PIEZO1: variants seen among roughly 807,000 people sequenced by gnomAD.
PIEZO1 encodes piezo type mechanosensitive ion channel component 1 (Er blood group).
In PIEZO1, 296 loss-of-function variants were observed where a neutral mutation model predicts 297.2. The ratio of observed to expected loss-of-function variants is 1.00; its 90% CI spans 0.91 to 1.10. The LOEUF is 1.10. Ranked by LOEUF, PIEZO1 falls within the 50% of genes least tolerant of loss-of-function variation. The pLI is 0.00. For synonymous variants in PIEZO1, 2,427 were observed against 1,507.5 expected, an observed-to-expected ratio of 1.61 and a Z score of -14.13; for missense variants, 5,018 against 3,455.5, an observed-to-expected ratio of 1.45 and a Z score of -11.34.
rs1567656125 is a variant in PIEZO1 at position 88,715,994 on chromosome 16, G to A, written c.7255C>T (p.Pro2419Ser). 1.3e-6 allele frequency: 2 copies of A among 1,550,182 alleles called. No individual in the cohort carries two copies. Among genetic ancestry groups the A allele is most frequent in the Non-Finnish European group, 1.7e-6 (2 of 1,146,900 alleles). Residue 2419 changes from proline (P) to serine (S), a missense_variant, in exon 50 of 51, where the codon CCC (proline) becomes TCC (serine). Transcript: ENST00000301015. ...ACCTTGTCACTGAAAATGACCATGGGCAGCAGGTTGCAGTCGGTCCGGCAC... is the reference window on the plus strand; with the variant it reads ...ACCTTGTCACTGAAAATGACCATGGACAGCAGGTTGCAGTCGGTCCGGCAC... ...QECRTDCNLL[P>S]MVIFSDKVSP... is the part of the protein sequence containing the mutation.
chr16:88,751,242 C>T (rs1906373681), intron 1 of PIEZO1, among the ~76,000 whole-genome samples: 2 of 152,186 alleles, frequency 1.3e-5, no homozygotes, highest in Non-Finnish European at 1.5e-5. Flanking sequence ...AGGGAGACCC[C>T]GACCTCCACG....
intron 1 of PIEZO1, among the ~76,000 whole-genome samples, chr16:88,775,914 C>A (rs775657625): frequency 6.6e-6 from 1 of 152,134 alleles, no homozygotes; most frequent in Non-Finnish European, 1.5e-5. Flanking sequence ...AGTGCACACG[C>A]AGAGGCAAAG....
chr16:88,716,154 G>A, intron 49 of PIEZO1, 35 bp from the exon 50 acceptor site: 3 of 1,526,248 alleles, frequency 2.0e-6, no homozygotes, highest in South Asian at 2.5e-5. Context: ...GAGGCCGCAG[G>A]TCACCCCTCT....
chr16:88,718,246 G>C (rs562212325), intron 44 of PIEZO1: 168 of 154,016 alleles, frequency 1.1e-3, no homozygotes, highest in Non-Finnish European at 2.0e-3. Context: ...ATAGTAACAG[G>C]TTGTTGAGGA....
rs1911991841 is a variant in PIEZO1, at chr16:88,715,993, G to T, written c.7256C>A (p.Pro2419His). 1 of 1,550,062 alleles carries T rather than the reference G, an allele frequency of 6.5e-7. No homozygotes were observed. Among genetic ancestry groups the T allele is most frequent in the Admixed American group, 2.0e-5 (1 of 50,980 alleles). ...GACCTTGTCACTGAAAATGACCATG[G>T]GCAGCAGGTTGCAGTCGGTCCGGCA... ...QECRTDCNLL[P>H]MVIFSDKVSP... The change falls in exon 50 of 51, where the codon CCC (proline) becomes CAC (histidine). Residue 2419 changes from proline to histidine, a missense_variant. Pro to His is a moderately conservative substitution (Grantham distance 77, BLOSUM62 -2). Transcript: ENST00000301015.
chr16:88,722,933 C>T lies in PIEZO1; in HGVS notation c.4572G>A (p.Glu1524=). 1 of 1,549,410 alleles carries T rather than the reference C, an allele frequency of 6.5e-7. No individual in the cohort carries two copies. The highest frequency in any genetic ancestry group is 2.4e-5 in the East Asian group (1 of 40,918). Residue 1524 remains glutamate (E), a synonymous_variant, in exon 34 of 51, where the codon GAG becomes GAA. Coordinates refer to ENST00000301015, the MANE Select transcript of PIEZO1 (RefSeq NM_001142864.4). ...LWMLGQALVD[E]LTRWLQEFTR... ...TGAACTCCTGCAGCCAGCGTGTCAGCTCATCCACTAGCGCCTGCCCCAGCA... is the reference window on the plus strand; with the variant it reads ...TGAACTCCTGCAGCCAGCGTGTCAGTTCATCCACTAGCGCCTGCCCCAGCA...
At chr16:88,784,809 C>T (rs926568242) in intron 1 of PIEZO1, 92 bp downstream of exon 1, 1 of 961,978 alleles carries the variant, frequency 1.0e-6, no homozygotes. Flanking sequence ...GCCCGCAGCC[C>T]TCGCCCCGGC....
intron 1 of PIEZO1, among the ~76,000 whole-genome samples, chr16:88,757,540 G>A (rs2142878822): frequency 2.2e-4 from 1 of 4,634 alleles, no homozygotes; most frequent in East Asian, 0.5. Flanking sequence ...CTCAAAGGAA[G>A]TGGAGCCAAT....
intron 1 of PIEZO1, among the ~76,000 whole-genome samples, chr16:88,756,235 T>C (rs1906648259): frequency 6.6e-6 from 1 of 152,190 alleles, no homozygotes; most frequent in South Asian, 2.1e-4. Context: ...CCCAGCCCGA[T>C]GTCCACCAGG....
chr16:88,716,210 G>C lies in PIEZO1; in HGVS notation c.7117C>G (p.Gln2373Glu), dbSNP rs1015058705. 1 of 1,500,030 alleles carries C rather than the reference G, an allele frequency of 6.7e-7. No homozygotes were observed. Among genetic ancestry groups the C allele is most frequent in the Non-Finnish European group, 8.9e-7 (1 of 1,119,118 alleles). The allele number at this position is 1,500,030 out of a possible 1,614,324, so 92.9% of individuals were successfully genotyped here. A position where few individuals can be genotyped will look rare whatever the true frequency, so the allele number is the denominator to read the frequency against. The change falls in exon 49 of 51, where the codon CAG becomes GAG. Residue 2373 changes from glutamine (Q) to glutamate (E), a missense_variant. Gln to Glu is a conservative substitution (Grantham distance 29). Transcript: ENST00000301015. ...CGCCCATACTCACTGGGCTGCAGCT[G>C]CTTCACAGGGTTGGCTTCGGGCCCG... ...PNGPEANPVK[Q>E]LQPNEEADYL...
rs1912408524 is a variant in PIEZO1, at chr16:88,721,153, AG to A, written c.5668+12del. On this transcript the variant is annotated intron_variant, in intron 39 of 50. Transcript: ENST00000301015. ...CTGGGTAGGCAGGAGGTTGTGAGGC[AG>A]GGCGCTTATACCGATGGCTGCCGCT... The A allele has an allele frequency of 1.4e-6, 2 of 1,475,654 alleles. No homozygotes were observed. Among genetic ancestry groups the A allele is most frequent in the African/African-American group, 2.8e-5 (2 of 70,818 alleles). 91.4% of individuals were successfully genotyped at this position (1,475,654 alleles called of 1,614,324 possible). A position where few individuals can be genotyped will look rare whatever the true frequency, so the allele number is the denominator to read the frequency against.
Position 88,738,352 on chromosome 16 carries a change from G to A in PIEZO1, c.723C>T (p.Ser241=), listed in dbSNP as rs1905397515. Residue 241 remains serine, a synonymous_variant, in exon 7 of 51, where the codon AGC becomes AGT. Transcript: ENST00000301015. ...CTWWACHFPI[S]TRGFSRLCVA... ...CGCAGAGTCTGCTGAAGCCCCGAGT[G>A]CTGATGGGAAAGTGGCAGGCCCACC... 2.6e-6 allele frequency: 4 copies of A among 1,535,908 alleles called. No individual in the cohort carries two copies. Among genetic ancestry groups the A allele is most frequent in the East Asian group, 4.9e-5 (2 of 40,918 alleles).
chr16:88,737,597 T>A lies in PIEZO1; in HGVS notation c.1157A>T (p.His386Leu). 1 of 1,533,724 alleles carries A rather than the reference T, an allele frequency of 6.5e-7. No homozygotes were observed. The highest frequency in any genetic ancestry group is 8.7e-7 in the Non-Finnish European group (1 of 1,145,938). ...GACGGAGCTCTGGCCGGTCAGCTCGTGCACGATGCAGTTATCAGCCTCGGT... is the reference window on the plus strand; with the variant it reads ...GACGGAGCTCTGGCCGGTCAGCTCGAGCACGATGCAGTTATCAGCCTCGGT... Reference protein sequence around the residue: ...PDTEADNCIVHELTGQSSVLR... With the variant: ...PDTEADNCIVLELTGQSSVLR... The change falls in exon 10 of 51, where the codon CAC (histidine) becomes CTC (leucine). Residue 386 changes from histidine (H) to leucine (L), a missense_variant. Physicochemically the swap from His to Leu is moderately conservative, Grantham distance 99. Coordinates refer to ENST00000301015, the MANE Select transcript of PIEZO1 (RefSeq NM_001142864.4).
At chr16:88,748,639 T>C (rs1474087980) in intron 2 of PIEZO1, among the ~76,000 whole-genome samples, 1 of 152,076 alleles carries the variant, frequency 6.6e-6, no homozygotes, top group Non-Finnish European at 1.5e-5. Context: ...AGTGGGCAGT[T>C]GGGGCCCATC....
At chr16:88,748,965 CGG>C (rs1906218170) in intron 2 of PIEZO1, among the ~76,000 whole-genome samples, 1 of 138,036 alleles carries the variant, frequency 7.2e-6, no homozygotes, top group African/African-American at 2.7e-5. Context: ...AAGCCGGGCG[CGG>C]TGGCTCACGT....
chr16:88,716,666 G>A lies in PIEZO1; in HGVS notation c.6819C>T (p.Ser2273=). Residue 2273 remains serine (S), a synonymous_variant, in exon 47 of 51, where the codon AGC becomes AGT. Coordinates refer to ENST00000301015, the MANE Select transcript of PIEZO1 (RefSeq NM_001142864.4). The stretch of plus-strand genomic sequence containing the variant: ...GACTGATGCGCCACAGCGCCCCGGA[G>A]CTGCCCTCAATCTGCGCCGTGACGA... The part of the protein sequence containing the change: ...EDIVTAQIEG[S]SGALWRISPP... The A allele has an allele frequency of 6.5e-7, 1 of 1,549,284 alleles. No individual in the cohort carries two copies. The highest frequency in any genetic ancestry group is 8.7e-7 in the Non-Finnish European group (1 of 1,146,918).
intron 8 of PIEZO1, 22 bp downstream of exon 8, chr16:88,737,912 A>C (rs566091473): frequency 2.0e-6 from 3 of 1,529,946 alleles, no homozygotes; most frequent in Non-Finnish European, 2.6e-6. Flanking sequence ...CAGCCCACCC[A>C]CCATGGGTGG....
At chr16:88,734,126 C>G in intron 16 of PIEZO1, 72 bp from the exon 17 acceptor site, 6 of 1,450,450 alleles carry the variant, frequency 4.1e-6, no homozygotes, top group Non-Finnish European at 5.5e-6. Context: ...TGGAAGAAGC[C>G]CTGTCGGCAC....
At chr16:88,728,093 C>T (rs1014191805) in intron 22 of PIEZO1, among the ~76,000 whole-genome samples, 2 of 152,384 alleles carry the variant, frequency 1.3e-5, no homozygotes, top group African/African-American at 2.4e-5. Context: ...GGGATCCATG[C>T]GACAGCCTAG....
Sources: gnomAD v4.1 joint callset for allele counts (sites outside exome capture counted in the v4.1 genomes callset) on GRCh38, gnomAD v4.1.1 for gene constraint, MANE v1.5 for transcripts, NCBI Gene and HGNC (gene_info 2026-07-23, HGNC 2026-07-21) for gene names.